ELP4: variants seen among roughly 807,000 people sequenced by gnomAD.
The protein encoded by ELP4 is elongator acetyltransferase complex subunit 4, also known as elongator complex protein 4.
ELP4 carries 51 observed loss-of-function variants against 48.9 expected under a neutral mutation model. The ratio of observed to expected loss-of-function variants is 1.04; its 90% CI spans 0.83 to 1.32. ELP4 has a LOEUF of 1.32. Among genes scored for constraint, ELP4 ranks in the 40% most tolerant of loss-of-function variants. The pLI is 0.00. For synonymous variants in ELP4, 210 were observed against 189.2 expected (o/e 1.11, Z -0.90); for missense variants, 519 against 514.6 (o/e 1.01, Z -0.08).
chr11:31,779,419 T>TGGGAGGAAGCCAGGAACTGTAGGAAGG, intron 9 of ELP4, among the ~76,000 whole-genome samples: 1 of 152,282 alleles, frequency 6.6e-6, no homozygotes, highest in South Asian at 2.1e-4. Context: ...AGGGAACTGT[T>TGGGAGGAAGCCAGGAACTGTAGGAAGG]GAGCCAGGAA....
intron 3 of ELP4, among the ~76,000 whole-genome samples, chr11:31,569,596 G>A (rs1201106762): frequency 6.6e-6 from 1 of 152,030 alleles, no homozygotes; most frequent in Non-Finnish European, 1.5e-5. Context: ...GCATGTTGGT[G>A]CATCCTGTAA....
In ELP4 at chr11:31,783,470, G is replaced by A. The variant is rs751230982; in HGVS notation, c.1221G>A (p.Arg407=). 1 of 1,614,134 alleles carries A rather than the reference G, an allele frequency of 6.2e-7. No individual in the cohort carries two copies. Among genetic ancestry groups the A allele is most frequent in the Admixed American group, 1.7e-5 (1 of 60,022 alleles). The change falls in exon 10 of 10, where the codon CGG becomes CGA. Residue 407 remains arginine, a synonymous_variant. Transcript: ENST00000640961. ...SKMDLAESAK[R]LGPGCGMMAG... is the part of the protein sequence containing the mutation. ...TGGATCTGGCAGAATCCGCCAAGCG[G>A]CTGGGCCCAGGCTGTGGCATGATGG...
At chr11:31,734,798 C>G (rs1043591969) in intron 9 of ELP4, among the ~76,000 whole-genome samples, 15 of 152,178 alleles carry the variant, frequency 9.9e-5, no homozygotes, top group African/African-American at 2.9e-4. Flanking sequence ...CCAGAACAAT[C>G]TACACGTTCA....
chr11:31,703,923 C>CA (rs1424574546), intron 9 of ELP4, among the ~76,000 whole-genome samples: 1 of 151,892 alleles, frequency 6.6e-6, no homozygotes, highest in Non-Finnish European at 1.5e-5. Flanking sequence ...TATATATGTC[C>CA]AAAAAATTAA....
chr11:31,731,327 A>C (rs1592260923), intron 9 of ELP4, among the ~76,000 whole-genome samples: 1 of 152,238 alleles, frequency 6.6e-6, no homozygotes, highest in South Asian at 2.1e-4. Flanking sequence ...CTATGTGTGA[A>C]CAAAATGAGT....
At chr11:31,592,872 A>G (rs1278143658) in intron 3 of ELP4, among the ~76,000 whole-genome samples, 2 of 152,120 alleles carry the variant, frequency 1.3e-5, no homozygotes, top group Admixed American at 1.3e-4. Flanking sequence ...TATTTCTCTA[A>G]TATTGTACAC....
chr11:31,695,158 T>G (rs920627753), intron 9 of ELP4, among the ~76,000 whole-genome samples: 2 of 152,164 alleles, frequency 1.3e-5, no homozygotes, highest in Non-Finnish European at 2.9e-5. Flanking sequence ...TTCTTTCTCC[T>G]GCCTGATTGT....
At chr11:31,634,846 T>C (rs1456675590) in intron 7 of ELP4, among the ~76,000 whole-genome samples, 1 of 152,030 alleles carries the variant, frequency 6.6e-6, no homozygotes, top group African/African-American at 2.4e-5. Context: ...TAAAGTTATA[T>C]AGTGTGACAA....
chr11:31,739,062 C>T (rs1207448820), intron 9 of ELP4, among the ~76,000 whole-genome samples: 1 of 151,936 alleles, frequency 6.6e-6, no homozygotes, highest in African/African-American at 2.4e-5. Flanking sequence ...GAGTGTAGAT[C>T]TCATGTTATG....
At position 31,786,270 on chromosome 11, in the gene ELP4, C is replaced by T. The variant is rs1948613429; in HGVS notation, c.*2746C>T. The T allele has an allele frequency of 4.8e-6, 1 of 209,906 alleles. No individual in the cohort carries two copies. The highest frequency in any genetic ancestry group is 9.7e-6 in the Non-Finnish European group (1 of 103,240). 13.0% of individuals were successfully genotyped at this position (209,906 alleles called of 1,614,324 possible). ...ATACAAAAGGAGAGTGGGGGGACCC[C>T]CCTATTCATTTGTTTAAGCCCATTA... On this transcript the variant is annotated 3_prime_UTR_variant, in exon 10 of 10. Transcript: ENST00000640961.
chr11:31,534,989 T>C (rs567283374), intron 2 of ELP4, among the ~76,000 whole-genome samples: 1 of 152,356 alleles, frequency 6.6e-6, no homozygotes, highest in Admixed American at 6.5e-5. Context: ...TCTCCCATAG[T>C]TGTCTCTGCT....
At chr11:31,735,602 A>C (rs1293963041) in intron 9 of ELP4, among the ~76,000 whole-genome samples, 1 of 152,202 alleles carries the variant, frequency 6.6e-6, no homozygotes, top group Non-Finnish European at 1.5e-5. Flanking sequence ...AAATCTCCTT[A>C]AGCTGATAAG....
chr11:31,596,698 T>C lies in ELP4; in HGVS notation c.513+1797T>C, dbSNP rs932616748. 2.2e-4 allele frequency among the ~76,000 whole-genome samples: 33 copies of C among 152,360 alleles called. No individual in the cohort carries two copies. The East Asian group carries it at 2.5e-3, about 12-fold the overall frequency. On this transcript the variant is annotated intron_variant, in intron 4 of 9. Transcript: ENST00000640961. Reference sequence around the variant, plus strand: ...TTGTGTGGAAACTATTTGAATAATATTTTTAAGCTGTGATTTAAATGACTG... The same window carrying C: ...TTGTGTGGAAACTATTTGAATAATACTTTTAAGCTGTGATTTAAATGACTG...
At chr11:31,570,759 T>G (rs1957180510) in intron 3 of ELP4, among the ~76,000 whole-genome samples, 1 of 147,876 alleles carries the variant, frequency 6.8e-6, no homozygotes, top group South Asian at 2.1e-4. Flanking sequence ...ATGAGAGGCG[T>G]GAGCCATTGT....
chr11:31,703,425 C>T (rs1213453215), intron 9 of ELP4, among the ~76,000 whole-genome samples: 1 of 152,046 alleles, frequency 6.6e-6, no homozygotes, highest in Non-Finnish European at 1.5e-5. Flanking sequence ...AAAACATTAG[C>T]CAGTGTTTTT....
In ELP4 at chr11:31,530,818, G is replaced by GT. The variant is rs138521500; in HGVS notation, c.260-8839dup. Among the ~76,000 whole-genome samples, 697 of 152,088 alleles carry GT rather than the reference G, an allele frequency of 4.6e-3. 4 individuals are homozygous for GT. The highest frequency in any genetic ancestry group is 8.3e-3 in the Non-Finnish European group (561 of 67,982). On this transcript the variant is annotated intron_variant, in intron 2 of 9. Coordinates refer to ENST00000640961, the MANE Select transcript of ELP4 (RefSeq NM_019040.5). ...ACTTTCAGCTCCCTTCACCATCACT[G>GT]TTTTTGAAGATGCTTTAGTTTGTGT...
chr11:31,623,390 T>TATATATATATATATAAATATATATATAA (rs67986763), intron 5 of ELP4, among the ~76,000 whole-genome samples: 11 of 92,580 alleles, frequency 1.2e-4, no homozygotes, highest in African/African-American at 3.9e-4. Context: ...TATATATATA[T>TATATATATATATATAAATATATATATAA]AAAACTAGAA....
chr11:31,570,312 A>G (rs1277096485), intron 3 of ELP4, among the ~76,000 whole-genome samples: 3 of 152,098 alleles, frequency 2.0e-5, no homozygotes, highest in African/African-American at 7.2e-5. Flanking sequence ...TCAGGTACAC[A>G]TGGACATAAA....
chr11:31,631,996 A>G (rs1483894538), intron 6 of ELP4, among the ~76,000 whole-genome samples: 1 of 152,062 alleles, frequency 6.6e-6, no homozygotes, highest in East Asian at 1.9e-4. Flanking sequence ...AAGGCTTATG[A>G]TACTCTTCAG....
Sources: gnomAD v4.1 joint callset for allele counts (sites outside exome capture counted in the v4.1 genomes callset) on GRCh38, gnomAD v4.1.1 for gene constraint, MANE v1.5 for transcripts, NCBI Gene and HGNC (gene_info 2026-07-23, HGNC 2026-07-21) for gene names.